Variants in HUNK observed in about 807,000 individuals in gnomAD.
HUNK encodes the protein hormonally up-regulated Neu-associated kinase, also known as hormonally up-regulated neu tumor-associated kinase.
HUNK carries 21 observed loss-of-function variants against 61.0 expected under a neutral mutation model. The ratio of observed to expected loss-of-function variants is 0.34; its 90% CI spans 0.24 to 0.50. The LOEUF (loss-of-function observed/expected upper bound fraction) is 0.50, where lower values mean the gene tolerates loss of function less well. Ranked by LOEUF, HUNK falls within the 20% of genes least tolerant of loss-of-function variation. The pLI is 0.98. For missense variants in HUNK, 772 were observed against 945.7 expected (o/e 0.82, Z 2.41); for synonymous variants, 371 against 386.1 (o/e 0.96, Z 0.46).
At chr21:31,908,614 A>G (rs775662425) in intron 1 of HUNK, among the ~76,000 whole-genome samples, 7 of 152,168 alleles carry the variant, frequency 4.6e-5, no homozygotes, top group Non-Finnish European at 7.4e-5. Flanking sequence ...GCTGCCCACC[A>G]CGTCGGGGTG....
intron 9 of HUNK, among the ~76,000 whole-genome samples, chr21:31,990,567 G>A (rs1313458569): frequency 7.3e-6 from 1 of 137,114 alleles, no homozygotes; most frequent in Non-Finnish European, 1.6e-5. Flanking sequence ...ATTGAGTCTC[G>A]CTCTGTCGCC....
chr21:31,955,642 G>A (rs1381548231), intron 4 of HUNK, among the ~76,000 whole-genome samples: 2 of 152,200 alleles, frequency 1.3e-5, no homozygotes, highest in African/African-American at 2.4e-5. Context: ...TGTGTGTGGT[G>A]GAAGGTGTTC....
At chr21:31,976,489 C>T (rs1211134146) in intron 7 of HUNK, among the ~76,000 whole-genome samples, 32 of 86,376 alleles carry the variant, frequency 3.7e-4, no homozygotes, top group Non-Finnish European at 6.0e-4. Flanking sequence ...TTTTTGGAGA[C>T]GGAGTCTTTC....
chr21:31,932,330 C>T (rs532530136), intron 2 of HUNK, among the ~76,000 whole-genome samples: 2 of 152,264 alleles, frequency 1.3e-5, no homozygotes, highest in East Asian at 3.9e-4. Flanking sequence ...CCCTCCCTGA[C>T]TCTCCTCCCT....
In HUNK at chr21:31,977,962, C is replaced by T. The variant is rs922829283; in HGVS notation, c.1173+3245C>T. The stretch of plus-strand genomic sequence containing the variant: ...GTCCGCCCGCCTAGGCCTCCCAAAG[C>T]GCTGGGATTATAGGCATGAGCCACT... On this transcript the variant is annotated intron_variant, in intron 7 of 10. Coordinates refer to ENST00000270112, the MANE Select transcript of HUNK (RefSeq NM_014586.2). 9.2e-5 allele frequency among the ~76,000 whole-genome samples: 14 copies of T among 152,288 alleles called. No homozygotes were observed. The East Asian group carries it at 1.6e-3, about 17-fold the overall frequency.
chr21:31,921,399 C>G lies in HUNK; in HGVS notation c.262-3069C>G, dbSNP rs1426238385. Among the ~76,000 whole-genome samples, 3 of 147,138 alleles carry G rather than the reference C, an allele frequency of 2.0e-5. No homozygotes were observed. The Admixed American group carries it at 2.1e-4, about 10-fold the overall frequency. ...AGGGAAGGAAGGTGCGGGGGAGTCT[C>G]TCTGGTAGGGAGGTTAGCCTCTGAA... On this transcript the variant is annotated intron_variant, in intron 1 of 10. Transcript: ENST00000270112.
intron 1 of HUNK, among the ~76,000 whole-genome samples, chr21:31,914,408 CAAAAAAAAAAAAAA>C (rs35023797): frequency 0.018 from 717 of 39,888 alleles, 20 homozygotes; most frequent in African/African-American, 0.069. Context: ...AACTCTGTCT[CAAAAAAAAAAAAAA>C]AAAAAAAAAA....
chr21:31,947,040 C>T (rs1290811282), intron 4 of HUNK, among the ~76,000 whole-genome samples: 5 of 151,620 alleles, frequency 3.3e-5, no homozygotes, highest in Non-Finnish European at 7.4e-5. Flanking sequence ...GTGGCGCCTG[C>T]GCATTCCCAC....
intron 1 of HUNK, among the ~76,000 whole-genome samples, chr21:31,900,138 G>A (rs1355505466): frequency 6.6e-6 from 1 of 151,938 alleles, no homozygotes; most frequent in African/African-American, 2.4e-5. Flanking sequence ...TTTAATCCTC[G>A]TTCATTCTCC....
chr21:31,879,593 T>C (rs892525439), intron 1 of HUNK, among the ~76,000 whole-genome samples: 1 of 152,132 alleles, frequency 6.6e-6, no homozygotes, highest in African/African-American at 2.4e-5. Flanking sequence ...CTGCAGGTGT[T>C]GAGTCACGGC....
At chr21:31,996,019 G>C in intron 10 of HUNK, 71 bp downstream of exon 10, 3 of 1,176,148 alleles carry the variant, frequency 2.6e-6, no homozygotes, top group Non-Finnish European at 3.6e-6. Context: ...GCCCTCACAG[G>C]GGATGGTCGA....
At chr21:31,944,915 C>A (rs1017435895) in intron 3 of HUNK, among the ~76,000 whole-genome samples, 2 of 152,184 alleles carry the variant, frequency 1.3e-5, no homozygotes, top group African/African-American at 4.8e-5. Flanking sequence ...ACTTCACAGA[C>A]TGGACTGTAT....
intron 1 of HUNK, among the ~76,000 whole-genome samples, chr21:31,884,788 C>CT (rs1035362724): frequency 1.8e-4 from 26 of 147,942 alleles, no homozygotes; most frequent in African/African-American, 5.3e-4. Context: ...TTTTTTTTTT[C>CT]TTTTTTTTGA....
At chr21:31,985,286 TAA>T (rs1407599212) in intron 8 of HUNK, among the ~76,000 whole-genome samples, 1 of 152,164 alleles carries the variant, frequency 6.6e-6, no homozygotes, top group East Asian at 1.9e-4. Context: ...TTTTCCAACG[TAA>T]AGTTTTCATC....
chr21:31,974,741 C>T (rs770525630), intron 7 of HUNK, 24 bp downstream of exon 7: 17 of 1,594,856 alleles, frequency 1.1e-5, no homozygotes, highest in Non-Finnish European at 1.5e-5. Flanking sequence ...TAGAGGCGAT[C>T]GTCTCTGCTG....
chr21:31,939,824 G>T (rs1373167058), intron 2 of HUNK, among the ~76,000 whole-genome samples: 1 of 150,730 alleles, frequency 6.6e-6, no homozygotes, highest in East Asian at 2.0e-4. Flanking sequence ...CGCTCAGGCT[G>T]TGCCATCTTG....
intron 1 of HUNK, among the ~76,000 whole-genome samples, chr21:31,890,716 AC>A (rs1452785452): frequency 2.0e-5 from 3 of 152,156 alleles, no homozygotes; most frequent in Non-Finnish European, 4.4e-5. Context: ...TAACATAAAT[AC>A]TTGGAAGGCT....
rs2123265852 is a variant in HUNK at position 32,000,425 on chromosome 21, G to C, written c.*1241G>C. Reference sequence around the variant, plus strand: ...ACCAAAGATGTGTCTCCAGTATTGTGTCTGTGCCCCTGTGTGTGTTTTGTG... The same window carrying C: ...ACCAAAGATGTGTCTCCAGTATTGTCTCTGTGCCCCTGTGTGTGTTTTGTG... On this transcript the variant is annotated 3_prime_UTR_variant, in exon 11 of 11. Coordinates refer to ENST00000270112, the MANE Select transcript of HUNK (RefSeq NM_014586.2). The C allele has an allele frequency of 5.0e-6, 2 of 399,164 alleles. No individual in the cohort carries two copies. Among genetic ancestry groups the C allele is most frequent in the Admixed American group, 8.8e-5 (2 of 22,740 alleles). The allele number at this position is 399,164 out of a possible 1,614,324, so 24.7% of individuals were successfully genotyped here. A position where few individuals can be genotyped will look rare whatever the true frequency, so the allele number is the denominator to read the frequency against.
intron 1 of HUNK, among the ~76,000 whole-genome samples, chr21:31,898,087 G>C (rs2052437741): frequency 6.6e-6 from 1 of 152,156 alleles, no homozygotes; most frequent in Admixed American, 6.5e-5. Context: ...AAACAGACTT[G>C]AGGTGCAAGA....
Sources: gnomAD v4.1 joint callset for allele counts (sites outside exome capture counted in the v4.1 genomes callset) on GRCh38, gnomAD v4.1.1 for gene constraint, MANE v1.5 for transcripts, NCBI Gene and HGNC (gene_info 2026-07-23, HGNC 2026-07-21) for gene names.